Variants in GRID2 observed in about 807,000 individuals in gnomAD.
GRID2 encodes glutamate ionotropic receptor delta type subunit 2, also known as glutamate receptor ionotropic, delta-2.
A neutral mutation model predicts 114.8 loss-of-function variants in GRID2; 33 were observed. The observed-to-expected ratio is 0.29, with a 90% CI of 0.22 to 0.38. The LOEUF is 0.38. Ranked by LOEUF, GRID2 falls within the 10% of genes least tolerant of loss-of-function variation. The probability of loss-of-function intolerance (pLI) is 1.00; values close to 1 mark genes in which losing one functional copy is unlikely to be tolerated. For missense variants in GRID2, 1,184 were observed against 1,257.7 expected (o/e 0.94, Z 0.89); for synonymous variants, 505 against 449.9 (o/e 1.12, Z -1.55).
At chr4:92,352,340 TTTATTA>T (rs138987661) in intron 1 of GRID2, among the ~76,000 whole-genome samples, 164 of 147,084 alleles carry the variant, frequency 1.1e-3, no homozygotes, top group South Asian at 2.1e-3. Flanking sequence ...ATTGGATTAT[TTTATTA>T]TTATTATTAT....
Position 93,798,514 on chromosome 4 carries a change from A to G in GRID2, c.222-8201A>G, listed in dbSNP as rs560731451. Among the ~76,000 whole-genome samples, 17 of 152,276 alleles carry G rather than the reference A, an allele frequency of 1.1e-4. No homozygotes were observed. The South Asian group carries it at 2.9e-3, about 26-fold the overall frequency. On this transcript the variant is annotated intron_variant, in intron 1 of 1. Transcript: ENST00000637838. ...GTGAATGAAAACCTTGGGAATGACT[A>G]TGATCGGATTCCCCAAGTCATGTTT...
intron 2 of GRID2, among the ~76,000 whole-genome samples, chr4:92,797,021 T>A (rs368865796): frequency 3.9e-5 from 6 of 151,986 alleles, no homozygotes; most frequent in African/African-American, 1.2e-4. Flanking sequence ...TTTTTTTACA[T>A]TGATCCTTAA....
At chr4:93,019,330 A>C (rs558089694) in intron 2 of GRID2, among the ~76,000 whole-genome samples, 54 of 152,132 alleles carry the variant, frequency 3.5e-4, no homozygotes, top group Non-Finnish European at 6.8e-4. Flanking sequence ...AATGAAGAAT[A>C]AATGTTTTTG....
At chr4:92,569,744 T>C (rs1376510297) in intron 1 of GRID2, among the ~76,000 whole-genome samples, 1 of 152,114 alleles carries the variant, frequency 6.6e-6, no homozygotes, top group African/African-American at 2.4e-5. Flanking sequence ...TTTTTCATGT[T>C]TTTTGGCTAC....
chr4:93,118,855 G>T (rs975480857), intron 4 of GRID2, among the ~76,000 whole-genome samples: 1 of 152,116 alleles, frequency 6.6e-6, no homozygotes, highest in African/African-American at 2.4e-5. Context: ...CTGGTAAAAG[G>T]GGAATAGCAG....
At chr4:93,360,310 C>G (rs546612295) in intron 8 of GRID2, among the ~76,000 whole-genome samples, 1 of 151,842 alleles carries the variant, frequency 6.6e-6, no homozygotes, top group African/African-American at 2.4e-5. Context: ...CTCTATCTTG[C>G]GAAATAATGT....
chr4:93,078,095 C>T (rs62308201), intron 2 of GRID2, among the ~76,000 whole-genome samples: 9,355 of 152,202 alleles, frequency 0.061, 588 homozygotes, highest in African/African-American at 0.16. Flanking sequence ...ATGCTCTTTG[C>T]ACTCCAGCCA....
chr4:93,409,506 G>T (rs891069739), intron 9 of GRID2, among the ~76,000 whole-genome samples: 5 of 151,972 alleles, frequency 3.3e-5, no homozygotes, highest in African/African-American at 1.2e-4. Context: ...TTGAAGTGTG[G>T]CTTGGAAAAA....
intron 13 of GRID2, among the ~76,000 whole-genome samples, chr4:93,518,375 A>G (rs1229057065): frequency 6.6e-6 from 1 of 152,026 alleles, no homozygotes; most frequent in Non-Finnish European, 1.5e-5. Flanking sequence ...AGTAAACTAG[A>G]CAAATTTTTT....
chr4:92,838,440 A>G (rs986852843), intron 2 of GRID2, among the ~76,000 whole-genome samples: 7 of 152,070 alleles, frequency 4.6e-5, no homozygotes, highest in Admixed American at 4.6e-4. Flanking sequence ...TATGGATGCA[A>G]GTTCTCTGTA....
intron 9 of GRID2, among the ~76,000 whole-genome samples, chr4:93,400,654 T>C (rs1255192089): frequency 6.6e-6 from 1 of 152,126 alleles, no homozygotes; most frequent in African/African-American, 2.4e-5. Context: ...TGCGAAGCTA[T>C]GCTGCAACAA....
At chr4:92,550,272 GTATT>G (rs1248781168) in intron 1 of GRID2, among the ~76,000 whole-genome samples, 2 of 152,012 alleles carry the variant, frequency 1.3e-5, no homozygotes, top group Non-Finnish European at 2.9e-5. Flanking sequence ...TGTTTGTAGA[GTATT>G]TATTAACTAT....
chr4:93,168,785 G>A (rs1010436504), intron 4 of GRID2, among the ~76,000 whole-genome samples: 3 of 150,900 alleles, frequency 2.0e-5, no homozygotes, highest in Non-Finnish European at 2.9e-5. Flanking sequence ...TAATTTCTAG[G>A]GTTACTTCTT....
chr4:93,101,824 G>T (rs1401571093), intron 3 of GRID2, among the ~76,000 whole-genome samples: 2 of 152,104 alleles, frequency 1.3e-5, no homozygotes, highest in African/African-American at 4.8e-5. Flanking sequence ...GAAATTGATG[G>T]TTGCTAGAAT....
chr4:92,433,046 C>T lies in GRID2; in HGVS notation c.88+128302C>T, dbSNP rs186810551. 4.5e-4 allele frequency among the ~76,000 whole-genome samples: 68 copies of T among 152,192 alleles called. No homozygotes were observed. The East Asian group carries it at 5.8e-3, about 13-fold the overall frequency. On this transcript the variant is annotated intron_variant, in intron 1 of 15. Coordinates refer to ENST00000282020, the MANE Select transcript of GRID2 (RefSeq NM_001510.4). ...GGTGTGTCTAGAAGTATCATCCAGG[C>T]GCTGGGACCTGGGATGGGGGCCTCT...
chr4:93,563,581 G>A (rs1178496849), intron 13 of GRID2, among the ~76,000 whole-genome samples: 1 of 151,914 alleles, frequency 6.6e-6, no homozygotes, highest in Non-Finnish European at 1.5e-5. Flanking sequence ...GATTGTATTA[G>A]AGTTCCAAGA....
chr4:92,851,460 A>G (rs981686102), intron 2 of GRID2, among the ~76,000 whole-genome samples: 1 of 151,968 alleles, frequency 6.6e-6, no homozygotes, highest in Non-Finnish European at 1.5e-5. Context: ...AGGATTACAG[A>G]ATTTTTAGAG....
chr4:93,390,535 A>G (rs1764750778), intron 8 of GRID2, among the ~76,000 whole-genome samples: 1 of 152,184 alleles, frequency 6.6e-6, no homozygotes, highest in Non-Finnish European at 1.5e-5. Flanking sequence ...CTGAAACCCA[A>G]CAGCACACGC....
intron 2 of GRID2, among the ~76,000 whole-genome samples, chr4:92,782,716 T>A (rs1739140365): frequency 6.6e-6 from 1 of 152,052 alleles, no homozygotes; most frequent in Admixed American, 6.6e-5. Flanking sequence ...GAGAAGAGTG[T>A]GCGTAATACA....
Sources: gnomAD v4.1 joint callset for allele counts (sites outside exome capture counted in the v4.1 genomes callset) on GRCh38, gnomAD v4.1.1 for gene constraint, MANE v1.5 for transcripts, NCBI Gene and HGNC (gene_info 2026-07-23, HGNC 2026-07-21) for gene names.